Variants in DACH2 observed in about 807,000 individuals in gnomAD.
DACH2 encodes dachshund family transcription factor 2.
Under a neutral mutation model 35.8 loss-of-function variants are expected in DACH2, and 17 were observed. The ratio of observed to expected loss-of-function variants is 0.48; its 90% CI spans 0.33 to 0.71. DACH2 has a LOEUF of 0.71. Among genes scored for constraint, DACH2 ranks in the 30% least tolerant of loss-of-function variants. DACH2 has a pLI of 0.02. For synonymous variants in DACH2, 195 were observed against 177.3 expected, an observed-to-expected ratio of 1.10 and a Z score of -0.79; for missense variants, 469 against 472.7, an observed-to-expected ratio of 0.99 and a Z score of 0.07.
At chrX:86,667,245 CA>C (rs1470990199) in intron 4 of DACH2, among the ~76,000 whole-genome samples, 22 of 61,701 alleles carry the variant, frequency 3.6e-4, no homozygotes, top group Admixed American at 7.3e-4. Flanking sequence ...AAGACTCTGT[CA>C]AAAAAAAAAA....
intron 1 of DACH2, among the ~76,000 whole-genome samples, chrX:86,157,265 C>T (rs922418126): frequency 6.3e-5 from 7 of 111,420 alleles, no homozygotes; most frequent in Admixed American, 3.8e-4. Flanking sequence ...AGGTATATAG[C>T]ATTCGATTGC....
chrX:86,195,658 T>C (rs1471314336), intron 1 of DACH2, among the ~76,000 whole-genome samples: 1 of 111,803 alleles, frequency 8.9e-6, no homozygotes, highest in Non-Finnish European at 1.9e-5. Context: ...CACAACACTA[T>C]AAAATGCTTT....
chrX:86,196,470 A>G, intron 1 of DACH2, among the ~76,000 whole-genome samples: 1 of 109,202 alleles, frequency 9.2e-6, no homozygotes, highest in Middle Eastern at 4.7e-3. Flanking sequence ...AAGCGGGTGG[A>G]TCATGAGGTC....
At chrX:86,581,189 T>G (rs2039496275) in intron 3 of DACH2, among the ~76,000 whole-genome samples, 1 of 111,689 alleles carries the variant, frequency 9.0e-6, no homozygotes, top group Admixed American at 9.6e-5. Context: ...AAGGGCAATT[T>G]TACCACCAGA....
chrX:86,217,521 T>C (rs773001229), intron 1 of DACH2, among the ~76,000 whole-genome samples: 2 of 111,770 alleles, frequency 1.8e-5, no homozygotes, highest in East Asian at 5.6e-4. Flanking sequence ...CAGACAGTGA[T>C]AAGTAGAAAA....
chrX:86,670,053 C>T (rs1230809432), intron 4 of DACH2, among the ~76,000 whole-genome samples: 1 of 111,259 alleles, frequency 9.0e-6, no homozygotes, highest in East Asian at 2.8e-4. Context: ...CCTGTTTGAG[C>T]TCAAATGTAC....
chrX:86,296,420 TAA>T (rs1396952556), intron 1 of DACH2, among the ~76,000 whole-genome samples: 2 of 107,195 alleles, frequency 1.9e-5, no homozygotes, highest in Non-Finnish European at 3.8e-5. Context: ...AGAAATATCT[TAA>T]GTTAGTTCAT....
intron 1 of DACH2, among the ~76,000 whole-genome samples, chrX:86,344,544 C>A (rs1450823849): frequency 5.4e-5 from 6 of 110,270 alleles, no homozygotes; most frequent in African/African-American, 1.6e-4. Flanking sequence ...GAAATCATAC[C>A]TTTTAGTTTT....
intron 3 of DACH2, among the ~76,000 whole-genome samples, chrX:86,532,657 T>C (rs1026625679): frequency 9.0e-6 from 1 of 111,457 alleles, no homozygotes; most frequent in African/African-American, 3.3e-5. Flanking sequence ...TAGTTCTTTA[T>C]AGCAGTATGA....
chrX:86,244,171 C>T (rs1300857058), intron 1 of DACH2, among the ~76,000 whole-genome samples: 1 of 111,185 alleles, frequency 9.0e-6, no homozygotes, highest in Non-Finnish European at 1.9e-5. Context: ...TAAGTGAAGC[C>T]ACATAGCAAA....
intron 2 of DACH2, among the ~76,000 whole-genome samples, chrX:86,397,162 G>A (rs1276829828): frequency 2.2e-4 from 24 of 110,505 alleles, no homozygotes; most frequent in African/African-American, 5.9e-4. Flanking sequence ...ATTGTGAATG[G>A]GAGTTCACTC....
intron 2 of DACH2, among the ~76,000 whole-genome samples, chrX:86,429,436 T>A (rs975373378): frequency 1.8e-5 from 2 of 111,983 alleles, no homozygotes; most frequent in Non-Finnish European, 3.8e-5. Flanking sequence ...ATTCCAAATG[T>A]AACCCGCAGG....
chrX:86,272,032 G>A (rs2033822091), intron 1 of DACH2, among the ~76,000 whole-genome samples: 1 of 111,349 alleles, frequency 9.0e-6, no homozygotes, highest in African/African-American at 3.3e-5. Context: ...TCCACACTTT[G>A]TGACCATGTT....
At chrX:86,783,043 AT>A (rs1412377812) in intron 7 of DACH2, among the ~76,000 whole-genome samples, 1 of 111,995 alleles carries the variant, frequency 8.9e-6, no homozygotes, top group Non-Finnish European at 1.9e-5. Flanking sequence ...ACCAGAATAT[AT>A]AATAAACTCA....
At chrX:86,633,981 G>C (rs368990386) in intron 3 of DACH2, among the ~76,000 whole-genome samples, 7 of 112,076 alleles carry the variant, frequency 6.2e-5, no homozygotes, top group Middle Eastern at 4.6e-3. Context: ...AAGAGAAGAG[G>C]TTTAATTGAC....
At chrX:86,721,695 A>C (rs995586060) in intron 6 of DACH2, among the ~76,000 whole-genome samples, 17 of 111,505 alleles carry the variant, frequency 1.5e-4, no homozygotes, top group Admixed American at 8.6e-4. Context: ...CACTATCTCC[A>C]TACAATTTAC....
chrX:86,730,957 C>T (rs764283405), intron 6 of DACH2, among the ~76,000 whole-genome samples: 25 of 111,390 alleles, frequency 2.2e-4, no homozygotes, highest in Non-Finnish European at 3.6e-4. Context: ...TGCATACACA[C>T]GAAATACATT....
intron 1 of DACH2, among the ~76,000 whole-genome samples, chrX:86,228,815 GT>G (rs745889508): frequency 1.1e-4 from 12 of 110,171 alleles, no homozygotes; most frequent in African/African-American, 3.3e-5. Context: ...GCGATTGATT[GT>G]TTTTTTTCGT....
chrX:86,689,087 C>A (rs1025966342), intron 4 of DACH2, among the ~76,000 whole-genome samples: 21 of 111,609 alleles, frequency 1.9e-4, no homozygotes, highest in African/African-American at 6.8e-4. Context: ...TGTGGCTCTT[C>A]CTAGGTAATG....
Sources: gnomAD v4.1 joint callset for allele counts (sites outside exome capture counted in the v4.1 genomes callset) on GRCh38, gnomAD v4.1.1 for gene constraint, MANE v1.5 for transcripts, NCBI Gene and HGNC (gene_info 2026-07-23, HGNC 2026-07-21) for gene names.